The following FLT1 variants were observed in gnomAD, a reference collection of about 807,000 sequenced individuals.
The protein encoded by FLT1 is vascular endothelial growth factor receptor 1.
FLT1 carries 49 observed loss-of-function variants against 156.3 expected under a neutral mutation model. The ratio of observed to expected loss-of-function variants is 0.31; its 90% CI spans 0.25 to 0.40. FLT1 has a LOEUF of 0.40. FLT1 is among the 10% of genes least tolerant of loss of function. The pLI is 1.00. For synonymous variants in FLT1, 594 were observed against 583.8 expected (o/e 1.02, Z -0.25); for missense variants, 1,322 against 1,637.2 (o/e 0.81, Z 3.32).
At chr13:28,416,085 G>A (rs1408804779) in intron 10 of FLT1, among the ~76,000 whole-genome samples, 1 of 152,214 alleles carries the variant, frequency 6.6e-6, no homozygotes, top group Non-Finnish European at 1.5e-5. Flanking sequence ...CCACTGTGCT[G>A]AGTACTTCAC....
At chr13:28,340,850 T>C (rs1432684282) in intron 16 of FLT1, among the ~76,000 whole-genome samples, 1 of 149,826 alleles carries the variant, frequency 6.7e-6, no homozygotes, top group Non-Finnish European at 1.5e-5. Context: ...CAAAAAACGA[T>C]ATGGAGCACG....
rs558187924 is a variant in FLT1, at chr13:28,399,406, A to G, written c.1552-2338T>C. 1.2e-4 allele frequency among the ~76,000 whole-genome samples: 18 copies of G among 152,310 alleles called. 2 individuals are homozygous for G. Among genetic ancestry groups the G allele is most frequent in the Admixed American group, 1.2e-3 (18 of 15,296 alleles). On this transcript the variant is annotated intron_variant, in intron 11 of 29. Coordinates refer to ENST00000282397, the MANE Select transcript of FLT1 (RefSeq NM_002019.4). ...GGCTTGGGAGTGTTTGAAATTATGG[A>G]CAGCATTTATCTGCATCTATGAGTC...
intron 10 of FLT1, among the ~76,000 whole-genome samples, chr13:28,421,768 T>C (rs1457396034): frequency 6.6e-6 from 1 of 152,124 alleles, no homozygotes; most frequent in East Asian, 1.9e-4. Context: ...TTTCAAGCCC[T>C]TTTGAAGGAA....
At chr13:28,388,166 A>G (rs911995205) in intron 13 of FLT1, 15 of 1,057,472 alleles carry the variant, frequency 1.4e-5, no homozygotes, top group Non-Finnish European at 1.4e-5. Flanking sequence ...TCAAGATACA[A>G]TTGATTTTTC....
At chr13:28,386,755 C>G in intron 13 of FLT1, 1 of 1,054,248 alleles carries the variant, frequency 9.5e-7, no homozygotes, top group Non-Finnish European at 1.1e-6. Flanking sequence ...CCAAACATAT[C>G]AGTGAAACAT....
chr13:28,318,647 A>G (rs534382815), intron 24 of FLT1, among the ~76,000 whole-genome samples: 14 of 152,292 alleles, frequency 9.2e-5, no homozygotes, highest in African/African-American at 3.4e-4. Context: ...CCTGTCATCG[A>G]AAGCAGGGGA....
chr13:28,406,574 T>C (rs1272110567), intron 10 of FLT1, among the ~76,000 whole-genome samples: 1 of 152,168 alleles, frequency 6.6e-6, no homozygotes, highest in East Asian at 1.9e-4. Flanking sequence ...TGCTGGTCTC[T>C]AATTTGCACA....
At chr13:28,372,281 T>C (rs9551460) in intron 14 of FLT1, among the ~76,000 whole-genome samples, 140,345 of 146,996 alleles carry the variant, frequency 0.95, 67,238 homozygotes, top group East Asian at 1. Context: ...AGAGTTTCAC[T>C]ATGTTGGCCA....
intron 14 of FLT1, among the ~76,000 whole-genome samples, chr13:28,373,953 TC>T (rs1201691203): frequency 1.3e-5 from 2 of 152,208 alleles, no homozygotes; most frequent in East Asian, 1.9e-4. Flanking sequence ...TTGCTGCTGA[TC>T]TTGGCCATGT....
At position 28,300,521 on chromosome 13, in the gene FLT1, C is replaced by A. The variant is rs58290712; in HGVS notation, c.*2646G>T. On this transcript the variant is annotated 3_prime_UTR_variant, in exon 30 of 30. Coordinates refer to ENST00000282397, the MANE Select transcript of FLT1 (RefSeq NM_002019.4). ...AGTTATGCACAAAACACACATACAC[C>A]CACACACACACACACACACACACAC... is the stretch of plus-strand genomic sequence containing the variant. The A allele has an allele frequency of 4.5e-3, 1,013 of 225,574 alleles. 11 individuals are homozygous for A. Among genetic ancestry groups the A allele is most frequent in the African/African-American group, 0.02 (877 of 42,826 alleles). 14.0% of individuals were successfully genotyped at this position (225,574 alleles called of 1,614,324 possible). A position where few individuals can be genotyped will look rare whatever the true frequency, so the allele number is the denominator to read the frequency against.
intron 16 of FLT1, among the ~76,000 whole-genome samples, chr13:28,341,701 TTGG>T: frequency 6.6e-6 from 1 of 152,192 alleles, no homozygotes; most frequent in Admixed American, 6.5e-5. Context: ...TGGAAATATT[TTGG>T]GATGTCTTGT....
intron 29 of FLT1, among the ~76,000 whole-genome samples, chr13:28,306,053 G>T (rs1241895811): frequency 1.3e-5 from 2 of 152,234 alleles, no homozygotes; most frequent in Non-Finnish European, 2.9e-5. Context: ...GCTTTTCCCA[G>T]TCCAGCACCA....
chr13:28,366,746 C>T (rs1336045007), intron 14 of FLT1, among the ~76,000 whole-genome samples: 1 of 152,192 alleles, frequency 6.6e-6, no homozygotes, highest in Non-Finnish European at 1.5e-5. Flanking sequence ...GCTAGGATTA[C>T]AGGCGTGAGC....
At chr13:28,375,777 G>C (rs1312834856) in intron 14 of FLT1, among the ~76,000 whole-genome samples, 1 of 152,198 alleles carries the variant, frequency 6.6e-6, no homozygotes, top group Non-Finnish European at 1.5e-5. Flanking sequence ...GCTAAGTAGA[G>C]CAGCCAGCTC....
chr13:28,417,013 G>A (rs1876687581), intron 10 of FLT1, among the ~76,000 whole-genome samples: 1 of 152,130 alleles, frequency 6.6e-6, no homozygotes, highest in Admixed American at 6.5e-5. Flanking sequence ...GAGATACAGT[G>A]CGCATACTGC....
chr13:28,476,494 C>T (rs956980226), intron 1 of FLT1, among the ~76,000 whole-genome samples: 1 of 152,214 alleles, frequency 6.6e-6, no homozygotes, highest in African/African-American at 2.4e-5. Flanking sequence ...TAGGCAGCTG[C>T]TGTCCAGCAA....
At chr13:28,444,706 A>G (rs1878514902) in intron 3 of FLT1, among the ~76,000 whole-genome samples, 1 of 152,254 alleles carries the variant, frequency 6.6e-6, no homozygotes, top group African/African-American at 2.4e-5. Flanking sequence ...TTAAAAATCA[A>G]TAACAGAAAT....
At chr13:28,468,260 T>C (rs1435256692) in intron 1 of FLT1, among the ~76,000 whole-genome samples, 1 of 152,196 alleles carries the variant, frequency 6.6e-6, no homozygotes, top group African/African-American at 2.4e-5. Context: ...CCCTCTACAA[T>C]GGTACAGTCA....
At chr13:28,339,671 C>G (rs1872256666) in intron 16 of FLT1, among the ~76,000 whole-genome samples, 1 of 152,174 alleles carries the variant, frequency 6.6e-6, no homozygotes, top group South Asian at 2.1e-4. Flanking sequence ...AAAATAACTT[C>G]CCATGGCCAT....
Sources: gnomAD v4.1 joint callset for allele counts (sites outside exome capture counted in the v4.1 genomes callset) on GRCh38, gnomAD v4.1.1 for gene constraint, MANE v1.5 for transcripts, NCBI Gene and HGNC (gene_info 2026-07-23, HGNC 2026-07-21) for gene names.